MAP7: variants seen among roughly 807,000 people sequenced by gnomAD.
MAP7 encodes ensconsin.
MAP7 carries 52 observed loss-of-function variants against 94.8 expected under a neutral mutation model. That is an observed-to-expected ratio of 0.55 (90% CI 0.44 to 0.69). The LOEUF is 0.69. MAP7 is among the 30% of genes least tolerant of loss of function. The pLI is 0.00. For missense variants in MAP7, 940 were observed against 964.6 expected (o/e 0.97, Z 0.34); for synonymous variants, 350 against 357.0 (o/e 0.98, Z 0.22).
At chr6:136,530,346 C>A (rs1828381990) in intron 1 of MAP7, among the ~76,000 whole-genome samples, 1 of 152,150 alleles carries the variant, frequency 6.6e-6, no homozygotes, top group South Asian at 2.1e-4. Flanking sequence ...AATTCTTTTC[C>A]ACGTTTCAAC....
intron 3 of MAP7, among the ~76,000 whole-genome samples, chr6:136,398,007 C>T (rs1417255427): frequency 6.6e-6 from 1 of 152,308 alleles, no homozygotes; most frequent in Admixed American, 6.5e-5. Flanking sequence ...ATACTGGACA[C>T]TAACGAGTCA....
chr6:136,500,457 C>T (rs1349568090), intron 1 of MAP7, among the ~76,000 whole-genome samples: 2 of 152,188 alleles, frequency 1.3e-5, no homozygotes, highest in African/African-American at 4.8e-5. Context: ...TATGGAGGAT[C>T]TGTCTCGCTG....
In MAP7 at chr6:136,345,888, T is replaced by A; in HGVS notation, c.2207A>T (p.Gln736Leu). The change falls in exon 17 of 18, where the codon CAG becomes CTG. Residue 736 changes from glutamine to leucine, a missense_variant. Physicochemically the swap from Gln to Leu is moderately radical, Grantham distance 113. Coordinates refer to ENST00000354570, the MANE Select transcript of MAP7 (RefSeq NM_003980.6). ...DDEGTLGPLP[Q>L]VDGVQTQQTA... ...CTGCTGTGTCTGAACACCATCTACC[T>A]GAGGCAGGGGCCCAAGTGTCCCTTC... The A allele has an allele frequency of 1.9e-6, 3 of 1,614,176 alleles. No homozygotes were observed. Among genetic ancestry groups the A allele is most frequent in the Non-Finnish European group, 2.5e-6 (3 of 1,180,020 alleles).
chr6:136,448,279 G>T (rs1053374756), intron 1 of MAP7, among the ~76,000 whole-genome samples: 3 of 152,204 alleles, frequency 2.0e-5, no homozygotes, highest in African/African-American at 7.2e-5. Flanking sequence ...TCTGGTGTCT[G>T]TGCGGGAAAA....
chr6:136,395,102 G>C (rs1213854351), intron 3 of MAP7, among the ~76,000 whole-genome samples: 3 of 151,004 alleles, frequency 2.0e-5, no homozygotes, highest in Non-Finnish European at 4.4e-5. Flanking sequence ...GGATTGCTGG[G>C]TCATCCTGCA....
At chr6:136,429,140 C>T (rs115287227) in intron 1 of MAP7, among the ~76,000 whole-genome samples, 2,185 of 152,130 alleles carry the variant, frequency 0.014, 49 homozygotes, top group African/African-American at 0.05. Context: ...AAACACCTCA[C>T]ATCAGAAGAG....
intron 1 of MAP7, among the ~76,000 whole-genome samples, chr6:136,534,048 A>AT (rs1828688627): frequency 1.3e-5 from 2 of 152,314 alleles, no homozygotes; most frequent in South Asian, 4.1e-4. Flanking sequence ...TAATTATTAA[A>AT]TTTTATCTCT....
intron 15 of MAP7, among the ~76,000 whole-genome samples, chr6:136,357,217 T>C (rs1167680431): frequency 6.6e-6 from 1 of 152,172 alleles, no homozygotes; most frequent in African/African-American, 2.4e-5. Flanking sequence ...GTATTAAAAA[T>C]ATTTTTGAAA....
intron 6 of MAP7, among the ~76,000 whole-genome samples, chr6:136,379,669 C>G (rs1002824726): frequency 2.0e-5 from 3 of 152,188 alleles, no homozygotes; most frequent in African/African-American, 7.2e-5. Context: ...TGTACGATGA[C>G]TGTGGCTTAC....
intron 15 of MAP7, among the ~76,000 whole-genome samples, chr6:136,358,478 C>A (rs758505605): frequency 6.6e-6 from 1 of 152,150 alleles, no homozygotes; most frequent in Non-Finnish European, 1.5e-5. Flanking sequence ...CAAACATACA[C>A]ATACATACAT....
At chr6:136,540,238 A>G (rs905970348) in intron 1 of MAP7, among the ~76,000 whole-genome samples, 4 of 152,210 alleles carry the variant, frequency 2.6e-5, no homozygotes, top group African/African-American at 9.7e-5. Flanking sequence ...TGGGTCAACT[A>G]TTTATAGACA....
chr6:136,385,176 T>G (rs1268985317), intron 5 of MAP7, among the ~76,000 whole-genome samples: 1 of 152,196 alleles, frequency 6.6e-6, no homozygotes, highest in Non-Finnish European at 1.5e-5. Context: ...GACTACTATT[T>G]ATAGCACACT....
intron 3 of MAP7, among the ~76,000 whole-genome samples, chr6:136,390,368 A>G (rs183149465): frequency 6.6e-6 from 1 of 152,274 alleles, no homozygotes; most frequent in Non-Finnish European, 1.5e-5. Flanking sequence ...AAAAGAAAAA[A>G]CAGGCCAGGT....
chr6:136,360,031 G>A lies in MAP7; in HGVS notation c.1804C>T (p.Arg602Ter). 1.2e-6 allele frequency: 2 copies of A among 1,610,838 alleles called. No individual in the cohort carries two copies. The highest frequency in any genetic ancestry group is 1.1e-5 in the South Asian group (1 of 89,948). Residue 602 changes from arginine (R) to a stop codon, truncating the protein, a stop_gained and splice_region_variant, in exon 14 of 18, where the codon CGA becomes TGA. Transcript: ENST00000354570. LOFTEE classifies it high-confidence loss of function. ...EEQERLERKKRLEEIMKRTRR... is the reference protein window; with the variant it reads ...EEQERLERKK ...GTTCTTTTCATAATCTCCTCAAGTC[G>A]CTATAGGAAAGGAAGAATTGAGCAA...
chr6:136,530,538 T>TGAACGTGAATACCAAGCTCCTG (rs372659168), intron 1 of MAP7, among the ~76,000 whole-genome samples: 1 of 147,124 alleles, frequency 6.8e-6, no homozygotes, highest in African/African-American at 2.7e-5. Flanking sequence ...TGACATGGAA[T>TGAACGTGAATACCAAGCTCCTG]CAAACAACCA....
intron 3 of MAP7, among the ~76,000 whole-genome samples, chr6:136,408,026 G>A (rs1366433543): frequency 6.6e-6 from 1 of 152,138 alleles, no homozygotes; most frequent in African/African-American, 2.4e-5. Flanking sequence ...TGCCTTCCGA[G>A]TAGCTGGAAA....
intron 1 of MAP7, among the ~76,000 whole-genome samples, chr6:136,440,825 CT>C (rs1341493571): frequency 2.0e-5 from 3 of 149,126 alleles, no homozygotes; most frequent in African/African-American, 7.4e-5. Flanking sequence ...TATTTAAGGT[CT>C]TAAAAAAAAA....
chr6:136,359,845 G>A lies in MAP7; in HGVS notation c.1887C>T (p.Ala629=). 1.2e-6 allele frequency: 2 copies of A among 1,613,264 alleles called. No homozygotes were observed. Among genetic ancestry groups the A allele is most frequent in the South Asian group, 1.1e-5 (1 of 90,916 alleles). The change falls in exon 15 of 18, where the codon GCC becomes GCT. Residue 629 remains alanine (A), a synonymous_variant. Coordinates refer to ENST00000354570, the MANE Select transcript of MAP7 (RefSeq NM_003980.6). ...CTGTTCCTCCAGTGAGAGCTCCCTT[G>A]GCTATATCACCGTTTCTCTGATCAC... ...KTSDQRNGDI[A]KGALTGGTEV... is the part of the protein sequence containing the mutation.
chr6:136,525,462 G>A (rs1263162201), intron 1 of MAP7, among the ~76,000 whole-genome samples: 3 of 152,168 alleles, frequency 2.0e-5, no homozygotes, highest in African/African-American at 7.2e-5. Context: ...ATTATCTGAG[G>A]CACCTAAGGA....
Sources: allele counts gnomAD v4.1 joint callset (sites outside exome capture counted in the v4.1 genomes callset), GRCh38; gene constraint gnomAD v4.1.1; transcripts MANE v1.5; gene names NCBI Gene and HGNC (gene_info 2026-07-23, HGNC 2026-07-21).